The following CAST variants were observed in gnomAD, a reference collection of about 807,000 sequenced individuals.
CAST encodes the protein calpastatin, also known as MIR583 host.
CAST carries 76 observed loss-of-function variants against 119.6 expected under a neutral mutation model. That is an observed-to-expected ratio of 0.64 (90% CI 0.53 to 0.77). CAST has a LOEUF of 0.77. CAST is among the 30% of genes least tolerant of loss of function. CAST has a pLI of 0.00. For synonymous variants in CAST, 319 were observed against 331.6 expected (o/e 0.96, Z 0.41); for missense variants, 953 against 946.5 (o/e 1.01, Z -0.09).
the CAST span, among the ~76,000 whole-genome samples, chr5:96,245,467 T>G: frequency 2.0e-5 from 3 of 152,216 alleles, no homozygotes; most frequent in African/African-American, 7.2e-5. Flanking sequence ...TTTATCTTTT[T>G]CCTTCCCTTA....
the CAST span, among the ~76,000 whole-genome samples, chr5:96,255,969 T>C: frequency 6.6e-6 from 1 of 152,054 alleles, no homozygotes; most frequent in African/African-American, 2.4e-5. Flanking sequence ...GGTTTAAACT[T>C]TTTTGGAACA....
chr5:96,209,598 T>C, the CAST span, among the ~76,000 whole-genome samples: 1 of 151,990 alleles, frequency 6.6e-6, no homozygotes, highest in Non-Finnish European at 1.5e-5. Flanking sequence ...GGATATGAAA[T>C]TTTTTATTGG....
chr5:96,772,545 T>A (rs1772828560), intron 31 of CAST, 95 bp from the exon 32 acceptor site: 1 of 152,790 alleles, frequency 6.5e-6, no homozygotes, highest in Non-Finnish European at 1.5e-5. Flanking sequence ...CTGTCTGTTA[T>A]ACAATGCTTT....
chr5:96,715,777 G>C (rs1301661457), intron 3 of CAST, among the ~76,000 whole-genome samples: 1 of 152,064 alleles, frequency 6.6e-6, no homozygotes, highest in Non-Finnish European at 1.5e-5. Flanking sequence ...CTGACCGCCT[G>C]TAGCATTGTA....
At position 96,762,278 on chromosome 5, in the gene CAST, T is replaced by G. The variant is rs1768263550; in HGVS notation, c.1838T>G (p.Phe613Cys). 1 of 1,601,906 alleles carries G rather than the reference T, an allele frequency of 6.2e-7. No homozygotes were observed. Among genetic ancestry groups the G allele is most frequent in the East Asian group, 2.2e-5 (1 of 44,564 alleles). Residue 613 changes from phenylalanine (F) to cysteine (C), a missense_variant, in exon 25 of 32, where the codon TTT becomes TGT. Coordinates refer to ENST00000675179, the MANE Select transcript of CAST (RefSeq NM_001750.7). ...TAAAATTTTTTTCAATAAAAGAAATTTGAAGATGCTAAACTTGCTGCTGCC... is the reference window on the plus strand; with the variant it reads ...TAAAATTTTTTTCAATAAAAGAAATGTGAAGATGCTAAACTTGCTGCTGCC... ...SGPQNASSLKFEDAKLAAAIS... is the reference protein window; with the variant it reads ...SGPQNASSLKCEDAKLAAAIS...
intron 3 of CAST, among the ~76,000 whole-genome samples, chr5:96,708,470 C>T (rs1581058994): frequency 6.6e-6 from 1 of 151,676 alleles, no homozygotes; most frequent in Non-Finnish European, 1.5e-5. Flanking sequence ...TTAAAAGTCC[C>T]CTTCAGATTT....
the CAST span, among the ~76,000 whole-genome samples, chr5:96,337,414 A>G: frequency 6.6e-6 from 1 of 152,232 alleles, no homozygotes; most frequent in Non-Finnish European, 1.5e-5. Flanking sequence ...GTACTTTATT[A>G]TGGTACTATG....
chr5:96,079,516 T>C, the CAST span, among the ~76,000 whole-genome samples: 1 of 152,198 alleles, frequency 6.6e-6, no homozygotes, highest in Admixed American at 6.5e-5. Flanking sequence ...AAAAATGTAG[T>C]TTGTAAAGTC....
At chr5:96,179,539 G>C in the CAST span, among the ~76,000 whole-genome samples, 2 of 152,162 alleles carry the variant, frequency 1.3e-5, no homozygotes. Context: ...TTCCAACTCA[G>C]CAGCTAGCAT....
chr5:96,348,899 T>G, the CAST span, among the ~76,000 whole-genome samples: 1 of 152,056 alleles, frequency 6.6e-6, no homozygotes, highest in Non-Finnish European at 1.5e-5. Flanking sequence ...GTGTTCCACA[T>G]GGGAAGTTAG....
At chr5:96,542,308 C>CAAAAAAA (rs759173589) in intron 1 of CAST, among the ~76,000 whole-genome samples, 4 of 37,090 alleles carry the variant, frequency 1.1e-4, no homozygotes, top group African/African-American at 3.1e-4. Flanking sequence ...GACTTAGTCT[C>CAAAAAAA]AAAAAAAAAA....
intron 1 of CAST, among the ~76,000 whole-genome samples, chr5:96,534,832 GGAAA>G (rs1745771201): frequency 1.5e-5 from 2 of 133,624 alleles, no homozygotes; most frequent in Non-Finnish European, 1.6e-5. Context: ...AAAGAAAGAA[GGAAA>G]GAAGGAAGGA....
chr5:96,365,215 A>G, the CAST span, among the ~76,000 whole-genome samples: 1 of 152,158 alleles, frequency 6.6e-6, no homozygotes. Context: ...CTGTTCTTTT[A>G]CATTTGCTGA....
At chr5:96,707,798 G>T (rs559582666) in intron 3 of CAST, among the ~76,000 whole-genome samples, 2 of 152,042 alleles carry the variant, frequency 1.3e-5, no homozygotes, top group African/African-American at 4.8e-5. Context: ...ATGGACTGAG[G>T]TCCCCCATAC....
chr5:96,248,956 G>A, the CAST span, among the ~76,000 whole-genome samples: 1 of 152,184 alleles, frequency 6.6e-6, no homozygotes, highest in Non-Finnish European at 1.5e-5. Flanking sequence ...AGAAGGTTTG[G>A]CCTTCTGTTG....
At chr5:96,161,975 T>G in the CAST span, among the ~76,000 whole-genome samples, 7 of 152,336 alleles carry the variant, frequency 4.6e-5, no homozygotes, top group African/African-American at 1.7e-4. Context: ...TATCCTGCAA[T>G]CTACTAAACT....
chr5:96,200,446 T>C, the CAST span, among the ~76,000 whole-genome samples: 1 of 152,140 alleles, frequency 6.6e-6, no homozygotes. Context: ...TAGAGTAAGT[T>C]TCTAGATGCT....
chr5:96,419,215 A>G, the CAST span, among the ~76,000 whole-genome samples: 10 of 151,516 alleles, frequency 6.6e-5, no homozygotes, highest in Non-Finnish European at 1.3e-4. Context: ...CAATTTGTTT[A>G]AATGCCAGAT....
the CAST span, among the ~76,000 whole-genome samples, chr5:96,425,042 A>AAG: frequency 7.1e-6 from 1 of 140,488 alleles, no homozygotes; most frequent in African/African-American, 2.9e-5. Flanking sequence ...GAAAGAAAGA[A>AAG]AGAAAGAAAG....
Sources: allele counts gnomAD v4.1 joint callset (sites outside exome capture counted in the v4.1 genomes callset), GRCh38; gene constraint gnomAD v4.1.1; transcripts MANE v1.5; gene names NCBI Gene and HGNC (gene_info 2026-07-23, HGNC 2026-07-21).